The following OCA2 variants were observed in gnomAD, a reference collection of about 807,000 sequenced individuals.
The protein encoded by OCA2 is OCA2 melanosomal transmembrane protein, also known as P protein.
Under a neutral mutation model 100.2 loss-of-function variants are expected in OCA2, and 77 were observed. That is an observed-to-expected ratio of 0.77 (90% CI 0.64 to 0.93). The LOEUF is 0.93. OCA2 is among the 40% of genes least tolerant of loss of function. The probability of loss-of-function intolerance (pLI) is 0.00; values close to 1 mark genes in which losing one functional copy is unlikely to be tolerated. For synonymous variants in OCA2, 432 were observed against 439.2 expected (o/e 0.98, Z 0.21); for missense variants, 1,062 against 1,089.1 (o/e 0.98, Z 0.35).
intron 9 of OCA2, among the ~76,000 whole-genome samples, chr15:28,001,612 G>A (rs996181892): frequency 1.3e-5 from 2 of 152,050 alleles, no homozygotes; most frequent in Non-Finnish European, 2.9e-5. Context: ...CTGTGAAGGA[G>A]GAAAAAAATA....
At chr15:27,931,357 G>A (rs1232246349) in intron 18 of OCA2, among the ~76,000 whole-genome samples, 1 of 151,790 alleles carries the variant, frequency 6.6e-6, no homozygotes, top group African/African-American at 2.4e-5. Context: ...TTTTTGAGAT[G>A]GAGTTTTGCT....
At chr15:27,944,944 G>A (rs1421132338) in intron 18 of OCA2, among the ~76,000 whole-genome samples, 1 of 152,146 alleles carries the variant, frequency 6.6e-6, no homozygotes, top group Non-Finnish European at 1.5e-5. Flanking sequence ...ATGAGTCCCT[G>A]GTAGAGTAAA....
intron 19 of OCA2, 74 bp downstream of exon 19, chr15:27,926,053 C>T: frequency 6.5e-7 from 1 of 1,530,328 alleles, no homozygotes; most frequent in Non-Finnish European, 9.0e-7. Context: ...TGTAGGCTTT[C>T]TTCATTCACC....
chr15:28,012,136 A>T (rs1211322962), intron 9 of OCA2, among the ~76,000 whole-genome samples: 1 of 152,258 alleles, frequency 6.6e-6, no homozygotes, highest in Admixed American at 6.5e-5. Context: ...GCACATACAG[A>T]CATCACGCTG....
intron 18 of OCA2, among the ~76,000 whole-genome samples, chr15:27,945,485 C>T (rs1458104378): frequency 1.3e-5 from 2 of 152,110 alleles, no homozygotes; most frequent in South Asian, 2.1e-4. Flanking sequence ...CTGCAGATGC[C>T]GGGGTGGGTG....
At chr15:27,726,948 C>T in the OCA2 span, among the ~76,000 whole-genome samples, 3 of 152,192 alleles carry the variant, frequency 2.0e-5, no homozygotes, top group Admixed American at 2.0e-4. Flanking sequence ...ATGGCAGAAG[C>T]TAAACCCTGC....
At chr15:27,977,376 C>A (rs1276203979) in intron 14 of OCA2, among the ~76,000 whole-genome samples, 1 of 152,066 alleles carries the variant, frequency 6.6e-6, no homozygotes, top group Middle Eastern at 3.2e-3. Context: ...AAATTTCCTT[C>A]TAAATACTGC....
intron 2 of OCA2, among the ~76,000 whole-genome samples, chr15:28,061,907 T>C (rs1340490710): frequency 6.6e-6 from 1 of 152,236 alleles, no homozygotes; most frequent in Non-Finnish European, 1.5e-5. Flanking sequence ...GTACTTCTTC[T>C]ATTTTTATGG....
intron 23 of OCA2, among the ~76,000 whole-genome samples, chr15:27,758,774 T>C (rs571693693): frequency 6.6e-6 from 1 of 152,086 alleles, no homozygotes; most frequent in African/African-American, 2.4e-5. Context: ...ACAACAGAAA[T>C]TGTTCATCTG....
intron 23 of OCA2, among the ~76,000 whole-genome samples, chr15:27,820,392 G>T (rs1350313053): frequency 1.3e-5 from 2 of 152,048 alleles, no homozygotes; most frequent in African/African-American, 4.8e-5. Context: ...CTCTCCACAG[G>T]GTATGATGAA....
At chr15:27,928,483 C>T (rs2039127307) in intron 18 of OCA2, among the ~76,000 whole-genome samples, 1 of 152,184 alleles carries the variant, frequency 6.6e-6, no homozygotes, top group South Asian at 2.1e-4. Context: ...TGCTGGTTCA[C>T]AGCAGGATGT....
At chr15:27,773,361 A>C (rs1035241618) in intron 23 of OCA2, among the ~76,000 whole-genome samples, 11 of 152,230 alleles carry the variant, frequency 7.2e-5, no homozygotes, top group Non-Finnish European at 1.5e-4. Flanking sequence ...GACCCGCCTA[A>C]TAGAAAGTTT....
chr15:28,083,487 CA>C (rs1419799205), intron 1 of OCA2, among the ~76,000 whole-genome samples: 1 of 152,162 alleles, frequency 6.6e-6, no homozygotes, highest in Non-Finnish European at 1.5e-5. Context: ...TGAGATAAAA[CA>C]GTTGCATTGG....
chr15:28,035,361 C>T (rs1031675465), intron 2 of OCA2, among the ~76,000 whole-genome samples: 6 of 152,150 alleles, frequency 3.9e-5, no homozygotes, highest in Non-Finnish European at 7.3e-5. Context: ...TAACACCATC[C>T]GGATACCATT....
At chr15:27,985,713 G>T (rs1186781809) in intron 12 of OCA2, among the ~76,000 whole-genome samples, 4 of 145,486 alleles carry the variant, frequency 2.7e-5, no homozygotes, top group Non-Finnish European at 6.0e-5. Flanking sequence ...TTTTTTTTGA[G>T]ACAGAGTCTC....
chr15:27,866,585 G>C (rs1219569565), intron 21 of OCA2, among the ~76,000 whole-genome samples: 1 of 152,208 alleles, frequency 6.6e-6, no homozygotes, highest in African/African-American at 2.4e-5. Flanking sequence ...TAGTGAATGA[G>C]GCTACAAACA....
chr15:27,881,646 T>C (rs2151546725), intron 19 of OCA2, among the ~76,000 whole-genome samples: 1 of 152,326 alleles, frequency 6.6e-6, no homozygotes, highest in Middle Eastern at 3.4e-3. Context: ...GATTTTCTAG[T>C]TTATTTGCAT....
chr15:27,941,956 A>G (rs934394776), intron 18 of OCA2, among the ~76,000 whole-genome samples: 3 of 152,216 alleles, frequency 2.0e-5, no homozygotes, highest in African/African-American at 7.2e-5. Context: ...GCTGTAATGA[A>G]GTACCACTTC....
At chr15:28,094,773 C>A (rs1408016912) in intron 1 of OCA2, among the ~76,000 whole-genome samples, 1 of 152,192 alleles carries the variant, frequency 6.6e-6, no homozygotes, top group African/African-American at 2.4e-5. Flanking sequence ...CTCTCCGAGG[C>A]CCTCAACGCC....
Sources: gnomAD v4.1 joint callset for allele counts (sites outside exome capture counted in the v4.1 genomes callset) on GRCh38, gnomAD v4.1.1 for gene constraint, MANE v1.5 for transcripts, NCBI Gene and HGNC (gene_info 2026-07-23, HGNC 2026-07-21) for gene names.